CXADR: variants seen among roughly 807,000 people sequenced by gnomAD.
The protein encoded by CXADR is coxsackievirus and adenovirus receptor.
A neutral mutation model predicts 40.3 loss-of-function variants in CXADR; 20 were observed. The ratio of observed to expected loss-of-function variants is 0.50; its 90% CI spans 0.35 to 0.72. The LOEUF (loss-of-function observed/expected upper bound fraction) is 0.72. Ranked by LOEUF, CXADR falls within the 30% of genes least tolerant of loss-of-function variation. The pLI, the probability that CXADR is intolerant of heterozygous loss-of-function variation, is 0.01. For missense variants in CXADR, 332 were observed against 449.1 expected, an observed-to-expected ratio of 0.74 and a Z score of 2.36; for synonymous variants, 150 against 161.3, an observed-to-expected ratio of 0.93 and a Z score of 0.53.
rs1343508502 is a variant in CXADR, at chr21:17,566,519, A to C, written c.*827A>C. 6 of 985,284 alleles carry C rather than the reference A, an allele frequency of 6.1e-6. No individual in the cohort carries two copies. The highest frequency in any genetic ancestry group is 7.2e-6 in the Non-Finnish European group (6 of 829,898). The allele number at this position is 985,284 out of a possible 1,614,324, so 61.0% of individuals were successfully genotyped here. A position where few individuals can be genotyped will look rare whatever the true frequency, so the allele number is the denominator to read the frequency against. ...GGTCTTCAAAATGGTGGCCAGCCAG[A>C]TCAAGGATGTAGTATCTCATAGTTC... On this transcript the variant is annotated 3_prime_UTR_variant, in exon 7 of 7. Coordinates refer to ENST00000284878, the MANE Select transcript of CXADR (RefSeq NM_001338.5).
chr21:17,590,986 T>TCTAA (rs2061430910), intron 7 of CXADR, among the ~76,000 whole-genome samples: 1 of 152,060 alleles, frequency 6.6e-6, no homozygotes, highest in Non-Finnish European at 1.5e-5. Context: ...GCCAAAGATT[T>TCTAA]ATTAGTGGTT....
At chr21:17,530,004 A>G (rs996592894) in intron 1 of CXADR, among the ~76,000 whole-genome samples, 7 of 149,284 alleles carry the variant, frequency 4.7e-5, no homozygotes, top group Admixed American at 2.0e-4. Context: ...GCTGGAGTGT[A>G]GTGGCTTGAT....
Position 17,568,398 on chromosome 21 carries a change from G to C in CXADR, c.*2706G>C. On this transcript the variant is annotated 3_prime_UTR_variant, in exon 7 of 7. Transcript: ENST00000284878. ...CTGCCTCGGCCTCCCAAAGTGCTGGGATTACAGGCGTGAACCACTGCACCC... is the reference window on the plus strand; with the variant it reads ...CTGCCTCGGCCTCCCAAAGTGCTGGCATTACAGGCGTGAACCACTGCACCC... 3 of 979,876 alleles carry C rather than the reference G, an allele frequency of 3.1e-6. No homozygotes were observed. Among genetic ancestry groups the C allele is most frequent in the Non-Finnish European group, 3.6e-6 (3 of 825,144 alleles). 60.7% of individuals were successfully genotyped at this position (979,876 alleles called of 1,614,324 possible).
At chr21:17,541,440 C>G (rs2060826936) in intron 1 of CXADR, among the ~76,000 whole-genome samples, 1 of 151,982 alleles carries the variant, frequency 6.6e-6, no homozygotes. Flanking sequence ...ACCTGTAGTC[C>G]CAGCTACCCG....
chr21:17,568,493 C>T lies in CXADR; in HGVS notation c.*2801C>T. 2.1e-6 allele frequency: 2 copies of T among 960,478 alleles called. No homozygotes were observed. Among genetic ancestry groups the T allele is most frequent in the Middle Eastern group, 5.3e-4 (1 of 1,882 alleles). 59.5% of individuals were successfully genotyped at this position (960,478 alleles called of 1,614,324 possible). A position where few individuals can be genotyped will look rare whatever the true frequency, so the allele number is the denominator to read the frequency against. ...TATAACTGAGAGACTTGATACCATCCATCTCTTTAGGTTACAGAGGATAAT... is the reference window on the plus strand; with the variant it reads ...TATAACTGAGAGACTTGATACCATCTATCTCTTTAGGTTACAGAGGATAAT... On this transcript the variant is annotated 3_prime_UTR_variant, in exon 7 of 7. Coordinates refer to ENST00000284878, the MANE Select transcript of CXADR (RefSeq NM_001338.5).
At chr21:17,526,107 C>T (rs1600954532) in intron 1 of CXADR, among the ~76,000 whole-genome samples, 1 of 152,204 alleles carries the variant, frequency 6.6e-6, no homozygotes, top group East Asian at 1.9e-4. Flanking sequence ...CTCATTTGCA[C>T]TAGCCATGTT....
chr21:17,559,215 G>A (rs2061074918), intron 4 of CXADR, 84 bp downstream of exon 4: 2 of 1,411,362 alleles, frequency 1.4e-6, no homozygotes, highest in East Asian at 2.3e-5. Flanking sequence ...TTGAGATAGG[G>A]CCTTGCTCTG....
chr21:17,530,527 G>A, intron 1 of CXADR: 1 of 429,096 alleles, frequency 2.3e-6, no homozygotes, highest in Non-Finnish European at 4.7e-6. Context: ...AATAACTACT[G>A]TGAAGGCCGG....
chr21:17,573,651 G>C (rs1427074532), downstream of CXADR, among the ~76,000 whole-genome samples: 1 of 152,204 alleles, frequency 6.6e-6, no homozygotes, highest in East Asian at 1.9e-4. Flanking sequence ...GCTCACACCT[G>C]TAATCTCTGC....
chr21:17,628,290 G>A, the CXADR span, among the ~76,000 whole-genome samples: 10 of 152,302 alleles, frequency 6.6e-5, no homozygotes, highest in African/African-American at 1.9e-4. Context: ...TGGCTCACAC[G>A]ATTATGAAAG....
chr21:17,570,110 C>T (rs964770516), downstream of CXADR: 17 of 985,274 alleles, frequency 1.7e-5, no homozygotes, highest in Non-Finnish European at 2.0e-5. Context: ...TTCTCTGCCT[C>T]ATGGTGTGGC....
chr21:17,545,072 GT>G (rs869189508), intron 1 of CXADR, among the ~76,000 whole-genome samples: 1,501 of 55,366 alleles, frequency 0.027, 9 homozygotes, highest in African/African-American at 0.073. Context: ...GCTCTAATGT[GT>G]TTTTTTTTTT....
intron 7 of CXADR, among the ~76,000 whole-genome samples, chr21:17,589,037 A>C (rs966457484): frequency 2.0e-5 from 3 of 148,162 alleles, no homozygotes; most frequent in Non-Finnish European, 2.9e-5. Flanking sequence ...GTATTTAATA[A>C]ATTTTCTTTC....
intron 2 of CXADR, among the ~76,000 whole-genome samples, chr21:17,547,505 TAGC>T (rs1179772870): frequency 3.9e-5 from 6 of 152,216 alleles, no homozygotes; most frequent in African/African-American, 1.2e-4. Context: ...AGGCGGGGAA[TAGC>T]AGAGGCCTAG....
At chr21:17,633,843 G>A in the CXADR span, among the ~76,000 whole-genome samples, 1 of 152,090 alleles carries the variant, frequency 6.6e-6, no homozygotes, top group African/African-American at 2.4e-5. Context: ...TATGAAGAAG[G>A]TATTTAACCT....
Position 17,559,008 on chromosome 21 carries a change from G to A in CXADR, c.448G>A (p.Gly150Arg), listed in dbSNP as rs1338436745. 1 of 1,613,556 alleles carries A rather than the reference G, an allele frequency of 6.2e-7. No individual in the cohort carries two copies. The highest frequency in any genetic ancestry group is 8.5e-7 in the Non-Finnish European group (1 of 1,179,766). The change falls in exon 4 of 7, where the codon GGA becomes AGA. Residue 150 changes from glycine (G) to arginine (R), a missense_variant. By Grantham distance (125) the Gly-to-Arg change is moderately radical. This residue lies in a region of CXADR where 162 missense variants were observed against 198.5 expected (regional missense o/e 0.82). Transcript: ENST00000284878. ...KPSGARCYVD[G>R]SEEIGSDFKI... ...TTCAGGTGCGAGATGTTACGTTGATGGATCTGAAGAAATTGGAAGTGACTT... is the reference window on the plus strand; with the variant it reads ...TTCAGGTGCGAGATGTTACGTTGATAGATCTGAAGAAATTGGAAGTGACTT...
chr21:17,603,109 C>T, the CXADR span, among the ~76,000 whole-genome samples: 4 of 152,160 alleles, frequency 2.6e-5, no homozygotes, highest in African/African-American at 9.7e-5. Context: ...ACTAACTTAA[C>T]TGTGTGTTAA....
At chr21:17,565,042 G>C (rs1016662378) in intron 6 of CXADR, among the ~76,000 whole-genome samples, 1 of 152,134 alleles carries the variant, frequency 6.6e-6, no homozygotes, top group African/African-American at 2.4e-5. Context: ...ATACCTGTAG[G>C]TGTTAGTGTT....
chr21:17,539,977 A>G (rs956960421), intron 1 of CXADR, among the ~76,000 whole-genome samples: 3 of 152,150 alleles, frequency 2.0e-5, no homozygotes, highest in Non-Finnish European at 4.4e-5. Flanking sequence ...AATACAAAAT[A>G]CCATAGATGC....
Sources: gnomAD v4.1 joint callset for allele counts (sites outside exome capture counted in the v4.1 genomes callset) on GRCh38, gnomAD v4.1.1 for gene constraint, gnomAD v4.1.1 regional missense constraint, MANE v1.5 for transcripts, NCBI Gene and HGNC (gene_info 2026-07-23, HGNC 2026-07-21) for gene names.